Variants in SPTAN1 observed in about 807,000 individuals in gnomAD.
SPTAN1 encodes the protein spectrin alpha, non-erythrocytic 1.
SPTAN1 carries 61 observed loss-of-function variants against 331.3 expected under a neutral mutation model. That is an observed-to-expected ratio of 0.18 (90% CI 0.15 to 0.23). The LOEUF (loss-of-function observed/expected upper bound fraction) is 0.23. Ranked by LOEUF, SPTAN1 falls within the 10% of genes least tolerant of loss-of-function variation. SPTAN1 has a pLI of 1.00. For synonymous variants in SPTAN1, 1,153 were observed against 1,173.9 expected, an observed-to-expected ratio of 0.98 and a Z score of 0.36; for missense variants, 2,043 against 3,147.9, an observed-to-expected ratio of 0.65 and a Z score of 8.40.
At chr9:128,611,872 A>G (rs1432086062) in intron 38 of SPTAN1, 27 bp downstream of exon 38, 2 of 1,613,978 alleles carry the variant, frequency 1.2e-6, no homozygotes, top group African/African-American at 2.7e-5. Context: ...CCCGGTGCCC[A>G]GGGAGGAAGA....
intron 17 of SPTAN1, 30 bp downstream of exon 17, chr9:128,584,555 A>G (rs1203056639): frequency 6.2e-7 from 1 of 1,614,034 alleles, no homozygotes; most frequent in Non-Finnish European, 8.5e-7. Context: ...GTAGGAATCA[A>G]CTTGGGAAAG....
intron 1 of SPTAN1, among the ~76,000 whole-genome samples, chr9:128,561,015 C>A (rs1279202659): frequency 2.8e-3 from 167 of 60,292 alleles, no homozygotes; most frequent in African/African-American, 3.8e-3. Context: ...GACCCCATCT[C>A]AAAAAAAAAA....
At chr9:128,606,385 A>AAAAAAAC (rs1429640389) in intron 31 of SPTAN1, among the ~76,000 whole-genome samples, 3 of 150,582 alleles carry the variant, frequency 2.0e-5, no homozygotes, top group Non-Finnish European at 3.0e-5. Flanking sequence ...AAAAAAAAAA[A>AAAAAAAC]AAAAAAACAA....
chr9:128,604,391 C>T lies in SPTAN1; in HGVS notation c.3693C>T (p.Ser1231=), dbSNP rs142305088. The change falls in exon 29 of 57, where the codon AGC becomes AGT. Residue 1231 remains serine, a synonymous_variant. Coordinates refer to ENST00000372739, the MANE Select transcript of SPTAN1 (RefSeq NM_001130438.3). ...LAEERSQLLG[S]AHEVQRFHRD... ...AGGAACGGAGCCAGCTCTTGGGCAG[C>T]GCCCATGAAGTACAGAGGTTCCACA... The T allele has an allele frequency of 3.3e-5, 54 of 1,613,562 alleles. 1 individual carries two copies. The African/African-American group carries it at 6.4e-4, about 19-fold the overall frequency.
At position 128,632,836 on chromosome 9, in the gene SPTAN1, A is replaced by G; in HGVS notation, c.7189A>G (p.Met2397Val). The G allele has an allele frequency of 6.2e-7, 1 of 1,614,074 alleles. No homozygotes were observed. Among genetic ancestry groups the G allele is most frequent in the Non-Finnish European group, 8.5e-7 (1 of 1,180,032 alleles). The change falls in exon 56 of 57, where the codon ATG (methionine) becomes GTG (valine). Residue 2397 changes from methionine (M) to valine (V), a missense_variant. Physicochemically the swap from Met to Val is conservative, Grantham distance 21 (BLOSUM62 1). This residue lies in a region of SPTAN1 where 9 missense variants were observed against 35.8 expected (regional missense o/e 0.25). Coordinates refer to ENST00000372739, the MANE Select transcript of SPTAN1 (RefSeq NM_001130438.3). ...RDGHVSLQEY[M>V]AFMISRETEN... Reference sequence around the variant, plus strand: ...TGGCCATGTCTCCTTGCAAGAATACATGGCTTTCATGATCAGCCGCGAAAC... The same window carrying G: ...TGGCCATGTCTCCTTGCAAGAATACGTGGCTTTCATGATCAGCCGCGAAAC...
intron 2 of SPTAN1, among the ~76,000 whole-genome samples, chr9:128,567,348 A>G (rs1054209071): frequency 3.9e-5 from 6 of 152,102 alleles, no homozygotes; most frequent in African/African-American, 1.4e-4. Context: ...CTGGAGTGCA[A>G]TGGTGTGATC....
In SPTAN1 at chr9:128,611,656, C is replaced by G. The variant is rs768161923; in HGVS notation, c.4774-58C>G. ...CCCTGCCTCTGAGAACCCCTTCCCC[C>G]TGAAAAGACATAACCTAGCAGGAAC... On this transcript the variant is annotated intron_variant, in intron 37 of 56. Coordinates refer to ENST00000372739, the MANE Select transcript of SPTAN1 (RefSeq NM_001130438.3). 232 of 1,605,758 alleles carry G rather than the reference C, an allele frequency of 1.4e-4. 1 individual carries two copies. The Middle Eastern group carries it at 4.8e-3, about 33-fold the overall frequency.
rs571298225 is a variant in SPTAN1 at position 128,616,099 on chromosome 9, T to C, written c.5357+259T>C. ...TAGATTCCCGTGAAAGTTAGTGAGT[T>C]TGTTTCTGAGCTTCTGGAGAAGATC... On this transcript the variant is annotated intron_variant, in intron 41 of 56. Transcript: ENST00000372739. Among the ~76,000 whole-genome samples, 81 of 152,212 alleles carry C rather than the reference T, an allele frequency of 5.3e-4. 2 individuals carry two copies. Among genetic ancestry groups the C allele is most frequent in the African/African-American group, 1.9e-3 (79 of 41,556 alleles).
Position 128,609,674 on chromosome 9 carries a change from T to G in SPTAN1, c.4773+9T>G, listed in dbSNP as rs1348209076. ...AGCTTTCCAAGCTGCTGGTAAGTTTTTAATTTTTTTAAGAGTTGTAGTTAA... is the reference window on the plus strand; with the variant it reads ...AGCTTTCCAAGCTGCTGGTAAGTTTGTAATTTTTTTAAGAGTTGTAGTTAA... On this transcript the variant is annotated intron_variant, in intron 37 of 56. Coordinates refer to ENST00000372739, the MANE Select transcript of SPTAN1 (RefSeq NM_001130438.3). 2.7e-6 allele frequency: 4 copies of G among 1,506,654 alleles called. No individual in the cohort carries two copies. In the South Asian group the frequency reaches 5.3e-5, roughly 20 times the overall value. 93.3% of individuals were successfully genotyped at this position (1,506,654 alleles called of 1,614,324 possible).
intron 41 of SPTAN1, among the ~76,000 whole-genome samples, chr9:128,616,146 C>CT (rs943745055): frequency 6.6e-6 from 1 of 152,156 alleles, no homozygotes; most frequent in African/African-American, 2.4e-5. Context: ...GAAGGAGTTG[C>CT]TTTTTTTCTT....
At chr9:128,604,950 ATAAAT>A in intron 29 of SPTAN1, 79 bp from the exon 30 acceptor site, 1 of 1,340,722 alleles carries the variant, frequency 7.5e-7, no homozygotes, top group African/African-American at 1.5e-5. Flanking sequence ...AAATAAATAA[ATAAAT>A]AAATAAATTT....
chr9:128,630,893 CAG>C (rs1341252055), intron 52 of SPTAN1, among the ~76,000 whole-genome samples: 13 of 152,222 alleles, frequency 8.5e-5, no homozygotes, highest in African/African-American at 2.9e-4. Flanking sequence ...TTAGTAGAGA[CAG>C]GGTTTCACCA....
intron 1 of SPTAN1, 47 bp from the exon 2 acceptor site, chr9:128,566,691 A>G (rs775177320): frequency 1.2e-6 from 2 of 1,613,382 alleles, no homozygotes; most frequent in Non-Finnish European, 1.7e-6. Context: ...CTTTTCATCT[A>G]TTTTGGTGCC....
intron 1 of SPTAN1, among the ~76,000 whole-genome samples, chr9:128,563,628 C>G (rs374110359): frequency 6.6e-6 from 1 of 152,200 alleles, no homozygotes; most frequent in South Asian, 2.1e-4. Context: ...TTATGGAGCT[C>G]TCTCCCTACC....
rs140922514 is a variant in SPTAN1 at position 128,611,864 on chromosome 9, C to T, written c.4905+19C>T. 1.0e-4 allele frequency: 162 copies of T among 1,614,050 alleles called. No homozygotes were observed. The highest frequency in any genetic ancestry group is 5.2e-4 in the African/African-American group (39 of 75,016). On this transcript the variant is annotated intron_variant, in intron 38 of 56. Transcript: ENST00000372739. ...TGTCAAGGTATGGCCCACCAGCTCC[C>T]GGTGCCCAGGGAGGAAGATGACCAC...
chr9:128,569,036 T>C, intron 3 of SPTAN1, 139 bp downstream of exon 3: 1 of 1,176,044 alleles, frequency 8.5e-7, no homozygotes. Flanking sequence ...CCTTAAGAAG[T>C]TACCCGAATC....
Position 128,606,374 on chromosome 9 carries a change from C to CAAAAA in SPTAN1, c.4046+911_4046+915dup, listed in dbSNP as rs59257779. 1.4e-3 allele frequency among the ~76,000 whole-genome samples: 81 copies of CAAAAA among 58,742 alleles called. 18 individuals carry two copies. The highest frequency in any genetic ancestry group is 2.8e-3 in the African/African-American group (49 of 17,364). 38.5% of individuals were successfully genotyped at this position (58,742 alleles called of 152,430 possible). On this transcript the variant is annotated intron_variant, in intron 31 of 56. Transcript: ENST00000372739. ...TGGGCGATGGAGCAAGACTCTGCCT[C>CAAAAA]AAAAAAAAAAAAAAAAAACAAGTCT...
intron 35 of SPTAN1, 51 bp downstream of exon 35, chr9:128,609,028 C>A: frequency 1.2e-6 from 2 of 1,613,562 alleles, no homozygotes; most frequent in South Asian, 2.2e-5. Context: ...AGGATGCATC[C>A]CCTCATACGA....
intron 27 of SPTAN1, among the ~76,000 whole-genome samples, chr9:128,600,974 C>CTT (rs60290370): frequency 0.021 from 843 of 40,776 alleles, 229 homozygotes; most frequent in African/African-American, 0.072. Flanking sequence ...GGGAGAAAGT[C>CTT]TTTTTTTTTT....
Sources: gnomAD v4.1 joint callset for allele counts (sites outside exome capture counted in the v4.1 genomes callset) on GRCh38, gnomAD v4.1.1 for gene constraint, gnomAD v4.1.1 regional missense constraint, MANE v1.5 for transcripts, NCBI Gene and HGNC (gene_info 2026-07-23, HGNC 2026-07-21) for gene names.